The following RAI1 variants were observed in gnomAD, a reference collection of about 807,000 sequenced individuals.
The protein encoded by RAI1 is retinoic acid-induced protein 1.
Under a neutral mutation model 123.8 loss-of-function variants are expected in RAI1, and 9 were observed. The ratio of observed to expected loss-of-function variants is 0.07; its 90% CI spans 0.04 to 0.13. The LOEUF is 0.13. Ranked by LOEUF, RAI1 falls within the 10% of genes least tolerant of loss-of-function variation. The pLI, the probability that RAI1 is intolerant of heterozygous loss-of-function variation, is 1.00. For missense variants in RAI1, 2,256 were observed against 2,545.8 expected, an observed-to-expected ratio of 0.89 and a Z score of 2.45; for synonymous variants, 1,231 against 1,127.3, an observed-to-expected ratio of 1.09 and a Z score of -1.84.
intron 2 of RAI1, among the ~76,000 whole-genome samples, chr17:17,790,236 G>A (rs1194695640): frequency 3.3e-5 from 5 of 152,218 alleles, no homozygotes; most frequent in African/African-American, 1.2e-4. Context: ...TTTTCTCCCA[G>A]CAGAGCTGGC....
Position 17,723,656 on chromosome 17 carries a change from C to T in RAI1, c.-148-372C>T, listed in dbSNP as rs1266063654. 2.0e-5 allele frequency among the ~76,000 whole-genome samples: 3 copies of T among 146,994 alleles called. No homozygotes were observed. The East Asian group carries it at 6.3e-4, about 31-fold the overall frequency. On this transcript the variant is annotated intron_variant, in intron 1 of 5. Coordinates refer to ENST00000353383, the MANE Select transcript of RAI1 (RefSeq NM_030665.4). ...CCCCTCCTCCCGCTCCCTTCCCGAG[C>T]TCATCTCTCGCCCCCCCGCCCGCCT...
intron 2 of RAI1, among the ~76,000 whole-genome samples, chr17:17,735,515 G>T (rs150700430): frequency 6.6e-6 from 1 of 150,574 alleles, no homozygotes; most frequent in Non-Finnish European, 1.5e-5. Flanking sequence ...CACCACGCCC[G>T]GCTGATTTTT....
chr17:17,769,355 C>T (rs2031056899), intron 2 of RAI1, among the ~76,000 whole-genome samples: 1 of 152,238 alleles, frequency 6.6e-6, no homozygotes, highest in South Asian at 2.1e-4. Context: ...GCCTTCTGCG[C>T]AGGCCTCCTT....
intron 1 of RAI1, among the ~76,000 whole-genome samples, chr17:17,695,133 A>T (rs1428709542): frequency 6.6e-6 from 1 of 151,854 alleles, no homozygotes; most frequent in Non-Finnish European, 1.5e-5. Flanking sequence ...GGGGGCTATT[A>T]AAAGTGGAGG....
At position 17,791,435 on chromosome 17, in the gene RAI1, C is replaced by T. The variant is rs377068764; in HGVS notation, c.-16-1498C>T. On this transcript the variant is annotated intron_variant, in intron 2 of 5. Transcript: ENST00000353383. ...CTTTCTGCCTCTTCCCTGTGCCCCT[C>T]CCCGACTCTGCGTGCCTCTCCCTCT... Among the ~76,000 whole-genome samples, 3 of 152,128 alleles carry T rather than the reference C, an allele frequency of 2.0e-5. No homozygotes were observed. The South Asian group carries it at 6.2e-4, about 32-fold the overall frequency.
chr17:17,735,352 C>CAT (rs1425388344), intron 2 of RAI1, among the ~76,000 whole-genome samples: 5 of 148,140 alleles, frequency 3.4e-5, no homozygotes, highest in African/African-American at 1.3e-4. Flanking sequence ...CAATGCCCAG[C>CAT]CTTTTTTTTT....
chr17:17,696,138 A>G (rs1024229965), intron 1 of RAI1, among the ~76,000 whole-genome samples: 1 of 152,214 alleles, frequency 6.6e-6, no homozygotes, highest in African/African-American at 2.4e-5. Flanking sequence ...ATACAAGAAA[A>G]AAGTAAAAAC....
Position 17,801,972 on chromosome 17 carries a change from T to TGGCTTCGCACTTGGGCAGA in RAI1, c.5566-1780_5566-1762dup, listed in dbSNP as rs2032475404. On this transcript the variant is annotated intron_variant, in intron 3 of 5. Transcript: ENST00000353383. This position sits in a 1 kb window ranked among gnomAD's most constrained non-coding sequence, Gnocchi z 4.1. ...AGGAAGCTATTGTCGTTTGTTTCAC[T>TGGCTTCGCACTTGGGCAGA]GGCTTCGCACTTGGGCAGAGGCCGC... The TGGCTTCGCACTTGGGCAGA allele has an allele frequency of 2.3e-6, 1 of 439,214 alleles. No homozygotes were observed. Among genetic ancestry groups the TGGCTTCGCACTTGGGCAGA allele is most frequent in the Non-Finnish European group, 4.7e-6 (1 of 214,620 alleles). The allele number at this position is 439,214 out of a possible 1,614,324, so 27.2% of individuals were successfully genotyped here. A position where few individuals can be genotyped will look rare whatever the true frequency, so the allele number is the denominator to read the frequency against.
chr17:17,779,196 C>T (rs1460326575), intron 2 of RAI1: 2 of 336,802 alleles, frequency 5.9e-6, no homozygotes, highest in Non-Finnish European at 1.2e-5. Context: ...CCCGGGTGGC[C>T]CCAGGCCTGC....
intron 2 of RAI1, among the ~76,000 whole-genome samples, chr17:17,787,126 C>T (rs1598082095): frequency 1.3e-5 from 2 of 152,332 alleles, no homozygotes; most frequent in East Asian, 1.9e-4. Flanking sequence ...CAAGGGCAGG[C>T]ACTCCTGGGG....
chr17:17,798,739 C>T (rs1015269570), intron 3 of RAI1, among the ~76,000 whole-genome samples: 6 of 152,106 alleles, frequency 3.9e-5, no homozygotes, highest in East Asian at 1.9e-4. Context: ...GGAGACTTCC[C>T]GCCGGGGCCC....
intron 1 of RAI1, among the ~76,000 whole-genome samples, chr17:17,717,985 C>A (rs2142917844): frequency 6.6e-6 from 1 of 152,292 alleles, no homozygotes; most frequent in South Asian, 2.1e-4. Flanking sequence ...GACAGACACA[C>A]AGATGACAGG....
intron 1 of RAI1, among the ~76,000 whole-genome samples, chr17:17,693,480 A>C (rs1178604803): frequency 6.6e-6 from 1 of 152,164 alleles, no homozygotes; most frequent in Non-Finnish European, 1.5e-5. Context: ...GGCACCCTAC[A>C]TTCTAAGATG....
chr17:17,697,704 A>G lies in RAI1; in HGVS notation c.-149+15911A>G, dbSNP rs149586126. Among the ~76,000 whole-genome samples the G allele has an allele frequency of 4.3e-3, 655 of 152,238 alleles. 6 individuals carry two copies. The highest frequency in any genetic ancestry group is 5.1e-3 in the Admixed American group (78 of 15,298). ...AAAAAGTGAGTTGGGGTTTGTGTAC[A>G]TGGCAGGGGGTTGCTGTTAGGTGGC... On this transcript the variant is annotated intron_variant, in intron 1 of 5. Transcript: ENST00000353383.
chr17:17,751,156 G>T (rs1362201426), intron 2 of RAI1, among the ~76,000 whole-genome samples: 1 of 152,212 alleles, frequency 6.6e-6, no homozygotes, highest in African/African-American at 2.4e-5. Context: ...GGGGTGTGTG[G>T]CCAGTGCTAG....
chr17:17,692,065 T>C (rs765339360), intron 1 of RAI1, among the ~76,000 whole-genome samples: 6 of 152,194 alleles, frequency 3.9e-5, no homozygotes, highest in African/African-American at 9.6e-5. Context: ...TCAGACTTAA[T>C]TGAGTGGCTC....
At chr17:17,707,502 G>A (rs1915430059) in intron 1 of RAI1, among the ~76,000 whole-genome samples, 1 of 152,188 alleles carries the variant, frequency 6.6e-6, no homozygotes, top group East Asian at 1.9e-4. Context: ...CAGTGCAAAG[G>A]TCCTGAGGCA....
intron 2 of RAI1, among the ~76,000 whole-genome samples, chr17:17,725,947 C>T (rs1916074577): frequency 6.6e-6 from 1 of 152,122 alleles, no homozygotes; most frequent in Non-Finnish European, 1.5e-5. Context: ...AGAAATTTGT[C>T]AGCCCCCACA....
chr17:17,797,130 T>C lies in RAI1; in HGVS notation c.4182T>C (p.Ser1394=). 1 of 1,614,022 alleles carries C rather than the reference T, an allele frequency of 6.2e-7. No individual in the cohort carries two copies. The highest frequency in any genetic ancestry group is 1.1e-5 in the South Asian group (1 of 91,086). ...NVGTGQKLPT[S]GADPLCRNPT... ...GCACCGGGCAGAAGCTCCCAACTTC[T>C]GGGGCTGATCCGTTATGCAGAAATC... Residue 1394 remains serine, a synonymous_variant, in exon 3 of 6, where the codon TCT becomes TCC. Coordinates refer to ENST00000353383, the MANE Select transcript of RAI1 (RefSeq NM_030665.4).
Sources: gnomAD v4.1 joint callset for allele counts (sites outside exome capture counted in the v4.1 genomes callset) on GRCh38, gnomAD v4.1.1 for gene constraint, Gnocchi (gnomAD v3.1) non-coding constraint, MANE v1.5 for transcripts, NCBI Gene and HGNC (gene_info 2026-07-23, HGNC 2026-07-21) for gene names.